DACH1: variants seen among roughly 807,000 people sequenced by gnomAD.
The protein encoded by DACH1 is dachshund family transcription factor 1.
Under a neutral mutation model 54.2 loss-of-function variants are expected in DACH1, and 12 were observed. The ratio of observed to expected loss-of-function variants is 0.22; its 90% CI spans 0.14 to 0.36. The LOEUF (loss-of-function observed/expected upper bound fraction) is 0.36. Among genes scored for constraint, DACH1 ranks in the 10% least tolerant of loss-of-function variants. The pLI, the probability that DACH1 is intolerant of heterozygous loss-of-function variation, is 1.00. For missense variants in DACH1, 805 were observed against 929.8 expected (o/e 0.87, Z 1.75); for synonymous variants, 386 against 366.2 (o/e 1.05, Z -0.62).
intron 1 of DACH1, among the ~76,000 whole-genome samples, chr13:71,786,611 T>C (rs1024195892): frequency 1.8e-4 from 28 of 152,230 alleles, no homozygotes; most frequent in African/African-American, 6.7e-4. Flanking sequence ...AAATAGCCCT[T>C]TGAATATACA....
At chr13:71,802,485 A>C (rs1887328097) in intron 1 of DACH1, among the ~76,000 whole-genome samples, 1 of 152,124 alleles carries the variant, frequency 6.6e-6, no homozygotes, top group Non-Finnish European at 1.5e-5. Context: ...ACAAAGAATT[A>C]GAAAAATTTC....
At chr13:71,820,373 G>A (rs1309142975) in intron 1 of DACH1, among the ~76,000 whole-genome samples, 1 of 152,066 alleles carries the variant, frequency 6.6e-6, no homozygotes, top group Non-Finnish European at 1.5e-5. Context: ...CTGCAACCAA[G>A]GAGATGTGAT....
chr13:71,474,684 A>AT (rs1187120793), intron 10 of DACH1, among the ~76,000 whole-genome samples: 2 of 152,148 alleles, frequency 1.3e-5, no homozygotes, highest in East Asian at 3.9e-4. Context: ...AAACAGTCTT[A>AT]TTTATTGTTA....
intron 1 of DACH1, among the ~76,000 whole-genome samples, chr13:71,788,981 T>C (rs1423515337): frequency 2.0e-5 from 3 of 152,222 alleles, no homozygotes; most frequent in Admixed American, 2.0e-4. Flanking sequence ...CCAAGTTCTG[T>C]TTTAATTGTA....
intron 6 of DACH1, among the ~76,000 whole-genome samples, chr13:71,556,600 T>C (rs1884266007): frequency 6.6e-6 from 1 of 152,140 alleles, no homozygotes; most frequent in Non-Finnish European, 1.5e-5. Flanking sequence ...ACATATAAAA[T>C]ATATTTCTGT....
chr13:71,627,962 A>G (rs1876787044), intron 3 of DACH1, among the ~76,000 whole-genome samples: 1 of 152,096 alleles, frequency 6.6e-6, no homozygotes, highest in African/African-American at 2.4e-5. Context: ...GCAATCCCCA[A>G]TCTACCAACC....
At chr13:71,854,482 C>CGA (rs1873872773) in intron 1 of DACH1, among the ~76,000 whole-genome samples, 1 of 152,052 alleles carries the variant, frequency 6.6e-6, no homozygotes, top group Non-Finnish European at 1.5e-5. Context: ...AAAACTTCCC[C>CGA]TCTCCTTTCA....
chr13:71,805,812 C>CT (rs113993536), intron 1 of DACH1, among the ~76,000 whole-genome samples: 23 of 151,244 alleles, frequency 1.5e-4, no homozygotes, highest in Non-Finnish European at 2.5e-4. Context: ...CATTTGAATT[C>CT]TTTTTTTTTG....
At chr13:71,523,982 A>G (rs1881782501) in intron 6 of DACH1, among the ~76,000 whole-genome samples, 1 of 152,110 alleles carries the variant, frequency 6.6e-6, no homozygotes, top group Non-Finnish European at 1.5e-5. Context: ...GCAAGTAAAG[A>G]TGCATTAAAA....
chr13:71,542,564 T>A (rs750585383), intron 6 of DACH1, among the ~76,000 whole-genome samples: 8 of 152,146 alleles, frequency 5.3e-5, no homozygotes, highest in Non-Finnish European at 8.8e-5. Flanking sequence ...TTTTAAAATT[T>A]TTCCACAATA....
At chr13:71,700,839 A>G (rs1004290507) in intron 1 of DACH1, among the ~76,000 whole-genome samples, 4 of 152,206 alleles carry the variant, frequency 2.6e-5, no homozygotes, top group Admixed American at 1.3e-4. Flanking sequence ...AACTTTCCAC[A>G]TCCCTGATTC....
At chr13:71,815,693 T>G (rs1887888120) in intron 1 of DACH1, among the ~76,000 whole-genome samples, 1 of 152,164 alleles carries the variant, frequency 6.6e-6, no homozygotes. Flanking sequence ...TAAGCAAAAT[T>G]TCACGTGACA....
chr13:71,773,313 T>A (rs547340187), intron 1 of DACH1, among the ~76,000 whole-genome samples: 6 of 151,996 alleles, frequency 3.9e-5, no homozygotes, highest in African/African-American at 1.2e-4. Flanking sequence ...ATTTACAGAA[T>A]CTCTTTAATC....
intron 4 of DACH1, among the ~76,000 whole-genome samples, chr13:71,566,582 C>G (rs1441041538): frequency 6.6e-6 from 1 of 152,058 alleles, no homozygotes. Flanking sequence ...TTAAAAACAT[C>G]AGTTCCCCCC....
chr13:71,713,916 T>C (rs1256785931), intron 1 of DACH1, among the ~76,000 whole-genome samples: 2 of 152,058 alleles, frequency 1.3e-5, no homozygotes, highest in East Asian at 3.9e-4. Flanking sequence ...TCAGCCTTTT[T>C]ACCACTTCTT....
chr13:71,846,008 A>ATT, intron 1 of DACH1: 1 of 167,986 alleles, frequency 6.0e-6, no homozygotes, highest in Non-Finnish European at 1.3e-5. Context: ...GTCGAAGGCC[A>ATT]TTTTTTTTTG....
chr13:71,453,991 C>A (rs1875315807), intron 10 of DACH1, among the ~76,000 whole-genome samples: 1 of 151,992 alleles, frequency 6.6e-6, no homozygotes, highest in South Asian at 2.1e-4. Flanking sequence ...GCCCTCTGTG[C>A]ACTAAAAACA....
At chr13:71,663,537 G>A (rs1452244803) in intron 2 of DACH1, among the ~76,000 whole-genome samples, 6 of 151,950 alleles carry the variant, frequency 3.9e-5, no homozygotes, top group African/African-American at 1.4e-4. Flanking sequence ...GCTAAACAAT[G>A]TGCTACTGGA....
At chr13:71,854,085 AAAGTTTACTCCAGATCAAAT>A (rs1308084832) in intron 1 of DACH1, among the ~76,000 whole-genome samples, 2 of 152,142 alleles carry the variant, frequency 1.3e-5, no homozygotes, top group African/African-American at 4.8e-5. Flanking sequence ...AGAGAGCAAA[AAAGTTTACTCCAGATCAAAT>A]ATGCCATTTT....
Sources: allele counts gnomAD v4.1 joint callset (sites outside exome capture counted in the v4.1 genomes callset), GRCh38; gene constraint gnomAD v4.1.1; transcripts MANE v1.5; gene names NCBI Gene and HGNC (gene_info 2026-07-23, HGNC 2026-07-21).